The following RAB27A variants were observed in gnomAD, a reference collection of about 807,000 sequenced individuals.
The protein encoded by RAB27A is ras-related protein Rab-27A.
In RAB27A, 17 loss-of-function variants were observed where a neutral mutation model predicts 20.8. The ratio of observed to expected loss-of-function variants is 0.82; its 90% CI spans 0.56 to 1.23. The LOEUF is 1.23. Ranked by LOEUF, RAB27A falls within the 50% of genes most tolerant of loss-of-function variation. The pLI, the probability that RAB27A is intolerant of heterozygous loss-of-function variation, is 0.00. For missense variants in RAB27A, 277 were observed against 266.7 expected (o/e 1.04, Z -0.27); for synonymous variants, 85 against 92.8 (o/e 0.92, Z 0.48).
At chr15:55,250,167 T>A (rs1216182647) in intron 2 of RAB27A, among the ~76,000 whole-genome samples, 1 of 152,206 alleles carries the variant, frequency 6.6e-6, no homozygotes, top group African/African-American at 2.4e-5. Context: ...TTTCACTATG[T>A]TGGCCAGGCT....
At chr15:55,303,816 C>T (rs1171331188) in intron 2 of RAB27A, among the ~76,000 whole-genome samples, 4 of 131,418 alleles carry the variant, frequency 3.0e-5, no homozygotes, top group Non-Finnish European at 6.4e-5. Flanking sequence ...CCCGGCCAGC[C>T]GCCCCGTCCG....
At chr15:55,214,252 T>C (rs113046638) in intron 6 of RAB27A, among the ~76,000 whole-genome samples, 5,275 of 152,194 alleles carry the variant, frequency 0.035, 217 homozygotes, top group African/African-American at 0.098. Flanking sequence ...CTGGCTAACA[T>C]GGTGAAACCC....
At chr15:55,209,973 T>C (rs1480968945) in intron 6 of RAB27A, among the ~76,000 whole-genome samples, 1 of 139,304 alleles carries the variant, frequency 7.2e-6, no homozygotes, top group Non-Finnish European at 1.6e-5. Context: ...TGCGTATGTG[T>C]GTACATGTAC....
At chr15:55,226,626 T>G (rs960665346) in intron 5 of RAB27A, among the ~76,000 whole-genome samples, 1 of 152,046 alleles carries the variant, frequency 6.6e-6, no homozygotes, top group African/African-American at 2.4e-5. Flanking sequence ...TCCCAGCACT[T>G]TGGGAGGCTG....
chr15:55,307,212 T>G (rs1345092857), intron 2 of RAB27A, among the ~76,000 whole-genome samples: 1 of 152,010 alleles, frequency 6.6e-6, no homozygotes, highest in Non-Finnish European at 1.5e-5. Flanking sequence ...TGTAATGTTT[T>G]AAGAACTTGT....
chr15:55,267,444 C>T (rs1897537278), intron 2 of RAB27A, among the ~76,000 whole-genome samples: 2 of 152,122 alleles, frequency 1.3e-5, no homozygotes. Context: ...TCACCCACTT[C>T]CCCTACCTGC....
chr15:55,230,846 G>A (rs1896004076), intron 3 of RAB27A, among the ~76,000 whole-genome samples: 2 of 152,036 alleles, frequency 1.3e-5, no homozygotes, highest in South Asian at 4.1e-4. Flanking sequence ...TTAACCAGGG[G>A]GTACATGTGC....
intron 6 of RAB27A, chr15:55,206,284 T>G (rs1894646762): frequency 1.3e-6 from 1 of 751,946 alleles, no homozygotes; most frequent in African/African-American, 1.9e-5. Context: ...TGTAAAAAAT[T>G]TATAAAAAGA....
chr15:55,263,472 T>C (rs890466777), intron 2 of RAB27A, among the ~76,000 whole-genome samples: 1 of 152,162 alleles, frequency 6.6e-6, no homozygotes, highest in Non-Finnish European at 1.5e-5. Context: ...TAGAGAAACA[T>C]CGAAAATGCA....
chr15:55,286,182 T>C (rs1898147812), intron 1 of RAB27A, among the ~76,000 whole-genome samples: 1 of 152,200 alleles, frequency 6.6e-6, no homozygotes. Context: ...GCCTGGTTAG[T>C]ACTTGGATGG....
chr15:55,245,377 C>T (rs2141019123), intron 2 of RAB27A, among the ~76,000 whole-genome samples: 1 of 152,256 alleles, frequency 6.6e-6, no homozygotes, highest in East Asian at 1.9e-4. Context: ...TGCAAAATCT[C>T]AGGCGGAGAG....
intron 2 of RAB27A, among the ~76,000 whole-genome samples, chr15:55,244,318 AAAAC>A (rs1194231463): frequency 7.2e-5 from 11 of 152,076 alleles, no homozygotes; most frequent in East Asian, 1.9e-4. Context: ...CCATCTCAAA[AAAAC>A]AAACAAACAA....
intron 1 of RAB27A, among the ~76,000 whole-genome samples, chr15:55,277,830 C>T (rs1232026198): frequency 4.6e-5 from 7 of 152,196 alleles, no homozygotes; most frequent in Non-Finnish European, 7.3e-5. Flanking sequence ...GTGGGACCAA[C>T]CATCCCAGTT....
chr15:55,277,508 A>G (rs1566933937), intron 1 of RAB27A, among the ~76,000 whole-genome samples: 1 of 152,168 alleles, frequency 6.6e-6, no homozygotes, highest in East Asian at 1.9e-4. Context: ...GTCTTTTGTT[A>G]ATTTATATTT....
chr15:55,291,382 C>A (rs754504825), upstream of RAB27A, among the ~76,000 whole-genome samples: 17 of 151,936 alleles, frequency 1.1e-4, no homozygotes, highest in Admixed American at 2.6e-4. Flanking sequence ...TCGTGGCACG[C>A]GCCTGTAGTC....
At chr15:55,304,387 T>A (rs1454408920) in intron 2 of RAB27A, among the ~76,000 whole-genome samples, 1 of 151,376 alleles carries the variant, frequency 6.6e-6, no homozygotes, top group Non-Finnish European at 1.5e-5. Context: ...GTTTATCTGC[T>A]GACCTTCCCT....
At chr15:55,225,583 T>C (rs1442769819) in intron 5 of RAB27A, among the ~76,000 whole-genome samples, 1 of 152,184 alleles carries the variant, frequency 6.6e-6, no homozygotes, top group African/African-American at 2.4e-5. Flanking sequence ...GAGATGCACA[T>C]TCACATTTGA....
At chr15:55,293,037 C>T (rs1191557923), upstream of RAB27A, among the ~76,000 whole-genome samples, 4 of 152,144 alleles carry the variant, frequency 2.6e-5, no homozygotes, top group East Asian at 1.9e-4. Flanking sequence ...GTCATCTCTA[C>T]GCCACTTCTT....
At chr15:55,218,184 C>T (rs1471446364) in intron 6 of RAB27A, among the ~76,000 whole-genome samples, 1 of 152,168 alleles carries the variant, frequency 6.6e-6, no homozygotes, top group East Asian at 1.9e-4. Flanking sequence ...AAACGTCTCA[C>T]TAAAGTGAGA....
Sources: allele counts gnomAD v4.1 joint callset (sites outside exome capture counted in the v4.1 genomes callset), GRCh38; gene constraint gnomAD v4.1.1; transcripts MANE v1.5; gene names NCBI Gene and HGNC (gene_info 2026-07-23, HGNC 2026-07-21).